RBPJ: variants seen among roughly 807,000 people sequenced by gnomAD.
RBPJ encodes recombining binding protein suppressor of hairless.
A neutral mutation model predicts 67.8 loss-of-function variants in RBPJ; 9 were observed. That is an observed-to-expected ratio of 0.13 (90% CI 0.08 to 0.23). The LOEUF (loss-of-function observed/expected upper bound fraction) is 0.23. Among genes scored for constraint, RBPJ ranks in the 10% least tolerant of loss-of-function variants. RBPJ has a pLI of 1.00. For missense variants in RBPJ, 305 were observed against 595.6 expected (o/e 0.51, Z 5.08); for synonymous variants, 198 against 203.3 (o/e 0.97, Z 0.22).
intron 1 of RBPJ, among the ~76,000 whole-genome samples, chr4:26,382,111 T>C (rs1730388629): frequency 1.3e-5 from 2 of 152,168 alleles, no homozygotes; most frequent in Admixed American, 6.5e-5. Flanking sequence ...TGCCTATACA[T>C]GATTGGTCCA....
At chr4:26,386,718 A>G (rs1730955309) in intron 2 of RBPJ, among the ~76,000 whole-genome samples, 1 of 152,210 alleles carries the variant, frequency 6.6e-6, no homozygotes, top group South Asian at 2.1e-4. Flanking sequence ...GATTGCAGGT[A>G]AGATTTGAAA....
At chr4:26,207,200 C>G (rs1202806289) in intron 1 of RBPJ, among the ~76,000 whole-genome samples, 1 of 152,092 alleles carries the variant, frequency 6.6e-6, no homozygotes, top group Admixed American at 6.6e-5. Context: ...CTTTGTAAAC[C>G]AGTTCCTCAT....
chr4:26,420,403 T>G, intron 4 of RBPJ, 148 bp from the exon 5 acceptor site: 1 of 524,762 alleles, frequency 1.9e-6, no homozygotes, highest in Non-Finnish European at 3.3e-6. Context: ...TCAGTAATTT[T>G]TATAGTTGAT....
At chr4:26,224,602 C>T (rs1374729958) in intron 1 of RBPJ, among the ~76,000 whole-genome samples, 2 of 152,146 alleles carry the variant, frequency 1.3e-5, no homozygotes. Flanking sequence ...AAGAGATCCA[C>T]CCACCTAGGC....
chr4:26,183,780 C>G (rs372409342), intron 1 of RBPJ, among the ~76,000 whole-genome samples: 1 of 152,012 alleles, frequency 6.6e-6, no homozygotes, highest in African/African-American at 2.4e-5. Context: ...GAGGCTGAGG[C>G]GAGCAGATCA....
intron 1 of RBPJ, among the ~76,000 whole-genome samples, chr4:26,340,225 C>T (rs1162757370): frequency 1.3e-5 from 2 of 152,102 alleles, no homozygotes; most frequent in African/African-American, 4.8e-5. Flanking sequence ...CAAGGAAGGC[C>T]TCACAGAGGT....
At chr4:26,252,226 G>A (rs543659169) in intron 1 of RBPJ, among the ~76,000 whole-genome samples, 21 of 151,650 alleles carry the variant, frequency 1.4e-4, no homozygotes, top group Middle Eastern at 3.4e-3. Context: ...ATCATCCACC[G>A]CCCTCCCACC....
intron 1 of RBPJ, among the ~76,000 whole-genome samples, chr4:26,212,656 GATTGTGGTCAGAAGACCTTCATTTC>G (rs1718470855): frequency 6.6e-6 from 1 of 151,930 alleles, no homozygotes; most frequent in Admixed American, 6.6e-5. Context: ...TACCTTGTCT[GATTGTGGTCAGAAGACCTTCATTTC>G]AGAAGGGGTC....
intron 1 of RBPJ, among the ~76,000 whole-genome samples, chr4:26,191,469 A>G (rs1021209422): frequency 6.6e-6 from 1 of 151,934 alleles, no homozygotes; most frequent in East Asian, 1.9e-4. Flanking sequence ...CCCAGGTTCA[A>G]TGACTCACCA....
intron 1 of RBPJ, among the ~76,000 whole-genome samples, chr4:26,331,586 T>TG (rs1182417918): frequency 6.6e-6 from 1 of 152,214 alleles, no homozygotes; most frequent in African/African-American, 2.4e-5. Context: ...GGAGCCTGCC[T>TG]GCTCTTTCCT....
At chr4:26,333,393 T>G (rs1012921793) in intron 1 of RBPJ, among the ~76,000 whole-genome samples, 3 of 152,222 alleles carry the variant, frequency 2.0e-5, no homozygotes, top group African/African-American at 7.2e-5. Flanking sequence ...GGAAGTGGTA[T>G]CTCTATCTAT....
At chr4:26,386,824 A>G (rs1462932285) in intron 2 of RBPJ, among the ~76,000 whole-genome samples, 1 of 152,216 alleles carries the variant, frequency 6.6e-6, no homozygotes, top group Non-Finnish European at 1.5e-5. Context: ...TAAGTTGTAC[A>G]ATATACATTT....
At chr4:26,317,599 C>A (rs1375268680), upstream of RBPJ, among the ~76,000 whole-genome samples, 1 of 152,060 alleles carries the variant, frequency 6.6e-6, no homozygotes, top group Non-Finnish European at 1.5e-5. Flanking sequence ...AAGGGAGGAC[C>A]AGTTAGGGAA....
chr4:26,424,561 T>C lies in RBPJ; in HGVS notation c.635-70T>C. 1 of 1,566,146 alleles carries C rather than the reference T, an allele frequency of 6.4e-7. No individual in the cohort carries two copies. The highest frequency in any genetic ancestry group is 1.1e-5 in the South Asian group (1 of 87,512). ...ATGAGATACATGGATATATTAAGTT[T>C]TGTCATTTGCCTAATCATAAAATAA... is the stretch of plus-strand genomic sequence containing the variant. On this transcript the variant is annotated intron_variant, in intron 6 of 10. Transcript: ENST00000355476. This position sits in a 1 kb window ranked among gnomAD's most constrained non-coding sequence, Gnocchi z 5.3.
intron 1 of RBPJ, among the ~76,000 whole-genome samples, chr4:26,378,606 C>T (rs1729999875): frequency 6.6e-6 from 1 of 152,186 alleles, no homozygotes. Flanking sequence ...GTTAGTTACC[C>T]TCATTTAGAT....
At chr4:26,197,623 G>A (rs1001346235) in intron 1 of RBPJ, among the ~76,000 whole-genome samples, 29 of 152,112 alleles carry the variant, frequency 1.9e-4, no homozygotes, top group African/African-American at 6.5e-4. Flanking sequence ...AAACAACAAC[G>A]GATGATTCAT....
intron 1 of RBPJ, among the ~76,000 whole-genome samples, chr4:26,267,688 C>T (rs1337949374): frequency 6.6e-6 from 1 of 151,954 alleles, no homozygotes; most frequent in South Asian, 2.1e-4. Context: ...GCTCACTGCA[C>T]CCTCCACCTC....
intron 1 of RBPJ, among the ~76,000 whole-genome samples, chr4:26,167,516 T>G (rs1190757052): frequency 6.8e-6 from 1 of 146,096 alleles, no homozygotes; most frequent in Non-Finnish European, 1.5e-5. Context: ...GGCTCTCTGT[T>G]TGTCTGTTAT....
chr4:26,320,602 A>C, upstream of RBPJ: 2 of 821,924 alleles, frequency 2.4e-6, no homozygotes, highest in Non-Finnish European at 3.7e-6. Context: ...TGTGAAACGC[A>C]GCCCATTTTC....
Sources: gnomAD v4.1 joint callset for allele counts (sites outside exome capture counted in the v4.1 genomes callset) on GRCh38, gnomAD v4.1.1 for gene constraint, Gnocchi (gnomAD v3.1) non-coding constraint, MANE v1.5 for transcripts, NCBI Gene and HGNC (gene_info 2026-07-23, HGNC 2026-07-21) for gene names.